The following DAO variants were observed in gnomAD, a reference collection of about 807,000 sequenced individuals.
DAO encodes D-amino-acid oxidase.
Under a neutral mutation model 50.1 loss-of-function variants are expected in DAO, and 51 were observed. The ratio of observed to expected loss-of-function variants is 1.02; its 90% CI spans 0.81 to 1.29. The LOEUF (loss-of-function observed/expected upper bound fraction) is 1.29. Ranked by LOEUF, DAO falls within the 50% of genes most tolerant of loss-of-function variation. The pLI is 0.00. For missense variants in DAO, 436 were observed against 439.4 expected (o/e 0.99, Z 0.07); for synonymous variants, 160 against 166.2 (o/e 0.96, Z 0.29).
intron 10 of DAO, chr12:108,899,682 A>C (rs2039601189): frequency 1.6e-6 from 1 of 613,580 alleles, no homozygotes; most frequent in Non-Finnish European, 3.0e-6. Flanking sequence ...ATAGAGGGGC[A>C]GTGGTGATGT....
rs1210575327 is a variant in DAO, at chr12:108,898,539, G to T, written c.696-140G>T. 16 of 759,732 alleles carry T rather than the reference G, an allele frequency of 2.1e-5. No homozygotes were observed. The East Asian group carries it at 3.9e-4, about 19-fold the overall frequency. 47.1% of individuals were successfully genotyped at this position (759,732 alleles called of 1,614,324 possible). On this transcript the variant is annotated intron_variant, in intron 8 of 10. Transcript: ENST00000228476. ...GTGGTGATGGAAGAGTTCGTTGTTG[G>T]TGTTGATGGTGATGACAGTGGCAAT...
rs746440371 is a variant in DAO at position 108,885,161 on chromosome 12, G to T, written c.155G>T (p.Trp52Leu). 1 of 1,613,366 alleles carries T rather than the reference G, an allele frequency of 6.2e-7. No individual in the cohort carries two copies. Among genetic ancestry groups the T allele is most frequent in the Non-Finnish European group, 8.5e-7 (1 of 1,179,602 alleles). ...ACCACCGACGTGGCTGCCGGCCTCT[G>T]GCAGCCCTACCTTTCTGACCCCAAC... Reference protein sequence around the residue: ...LTTTDVAAGLWQPYLSDPNNP... With the variant: ...LTTTDVAAGLLQPYLSDPNNP... Residue 52 changes from tryptophan to leucine, a missense_variant, in exon 2 of 11, where the codon TGG becomes TTG. Transcript: ENST00000228476.
chr12:108,893,921 G>T lies in DAO; in HGVS notation c.508-342G>T, dbSNP rs117604692. 7.2e-4 allele frequency among the ~76,000 whole-genome samples: 110 copies of T among 152,244 alleles called. No homozygotes were observed. The East Asian group carries it at 0.021, about 29-fold the overall frequency. On this transcript the variant is annotated intron_variant, in intron 6 of 10. Transcript: ENST00000228476. ...CTTCCTTTCTGACTTCTTTTGGGAG[G>T]TTCCAGGAAGATTTCCCCCATCCAA...
At chr12:108,881,172 A>G (rs2039373613) in intron 1 of DAO, among the ~76,000 whole-genome samples, 1 of 151,136 alleles carries the variant, frequency 6.6e-6, no homozygotes, top group Non-Finnish European at 1.5e-5. Context: ...TCACACACAC[A>G]CACACACACA....
rs2137355373 is a variant in DAO, at chr12:108,892,988, T to C, written c.459T>C (p.Thr153=). The change falls in exon 6 of 11, where the codon ACT becomes ACC. Residue 153 remains threonine, a synonymous_variant. Transcript: ENST00000228476. ...ATGTGTTTGATCATCCCAGGTTAAC[T>C]GAGAGGGGAGTGAAGTTCTTCCAGC... ...NYLQWLTERL[T]ERGVKFFQRK... is the part of the protein sequence containing the mutation. 3 of 1,614,044 alleles carry C rather than the reference T, an allele frequency of 1.9e-6. No individual in the cohort carries two copies. The highest frequency in any genetic ancestry group is 2.2e-5 in the East Asian group (1 of 44,876).
At position 108,898,685 on chromosome 12, in the gene DAO, G is replaced by A. The variant is rs2039588520; in HGVS notation, c.702G>A (p.Gln234=). The change falls in exon 9 of 11, where the codon CAG becomes CAA. Residue 234 remains glutamine (Q), a synonymous_variant. Coordinates refer to ENST00000228476, the MANE Select transcript of DAO (RefSeq NM_001917.5). ...YNSPYIIPGT[Q]TVTLGGIFQL... Reference sequence around the variant, plus strand: ...CCTCCTCATTTGTATCTAGGACCCAGACAGTTACTCTTGGAGGCATCTTCC... The same window carrying A: ...CCTCCTCATTTGTATCTAGGACCCAAACAGTTACTCTTGGAGGCATCTTCC... 5.6e-6 allele frequency: 9 copies of A among 1,608,944 alleles called. No individual in the cohort carries two copies. The highest frequency in any genetic ancestry group is 1.3e-5 in the African/African-American group (1 of 74,922).
intron 7 of DAO, among the ~76,000 whole-genome samples, chr12:108,894,921 G>C (rs2039531027): frequency 6.6e-6 from 1 of 152,074 alleles, no homozygotes; most frequent in Non-Finnish European, 1.5e-5. Flanking sequence ...TCACCATATT[G>C]CTCAGGCTGG....
intron 8 of DAO, chr12:108,898,435 G>A (rs112713337): frequency 5.0e-4 from 251 of 505,188 alleles, no homozygotes; most frequent in African/African-American, 4.5e-3. Context: ...GTGAAATGAT[G>A]AATGCAGTTG....
rs569238036 is a variant in DAO at position 108,896,615 on chromosome 12, C to T, written c.613-391C>T. 1.5e-3 allele frequency among the ~76,000 whole-genome samples: 221 copies of T among 152,038 alleles called. 1 individual carries two copies. The highest frequency in any genetic ancestry group is 5.2e-3 in the African/African-American group (214 of 41,434). ...AGGGAGGGGATATAATGAGACGTGT[C>T]GGACCTCCCTTCCCCCCGCAGCTGT... On this transcript the variant is annotated intron_variant, in intron 7 of 10. Transcript: ENST00000228476.
intron 6 of DAO, among the ~76,000 whole-genome samples, chr12:108,893,437 A>G (rs960790051): frequency 1.3e-5 from 2 of 152,156 alleles, no homozygotes; most frequent in African/African-American, 4.8e-5. Flanking sequence ...CACCACCACC[A>G]ATAATAATGA....
intron 2 of DAO, among the ~76,000 whole-genome samples, chr12:108,886,739 T>TGC (rs2039439709): frequency 1.3e-5 from 2 of 152,224 alleles, no homozygotes; most frequent in African/African-American, 2.4e-5. Context: ...GAGCTGGGAT[T>TGC]ATAGGCATGA....
chr12:108,890,528 A>C (rs113411529), intron 5 of DAO, among the ~76,000 whole-genome samples: 132 of 152,306 alleles, frequency 8.7e-4, no homozygotes, highest in African/African-American at 3.1e-3. Context: ...TCAAATCCCT[A>C]ATGTTTGTGT....
At chr12:108,896,896 T>C in intron 7 of DAO, 110 bp from the exon 8 acceptor site, 1 of 824,168 alleles carries the variant, frequency 1.2e-6, no homozygotes, top group Non-Finnish European at 2.1e-6. Flanking sequence ...AGAGGTCTTA[T>C]AAGGAATCAG....
intron 3 of DAO, 144 bp downstream of exon 3, chr12:108,887,708 G>A (rs993285450): frequency 1.4e-6 from 1 of 704,402 alleles, no homozygotes; most frequent in Non-Finnish European, 2.6e-6. Flanking sequence ...AACAGGTTTG[G>A]TTTAAATTCT....
In DAO at chr12:108,885,107, T is replaced by A. The variant is rs1350437671; in HGVS notation, c.101T>A (p.Val34Asp). The A allele has an allele frequency of 3.7e-6, 6 of 1,613,794 alleles. No homozygotes were observed. The Admixed American group carries it at 1.0e-4, about 27-fold the overall frequency. Residue 34 changes from valine to aspartate, a missense_variant, in exon 2 of 11, where the codon GTC becomes GAC. Coordinates refer to ENST00000228476, the MANE Select transcript of DAO (RefSeq NM_001917.5). ...HSVLQPLDIK[V>D]YADRFTPLTT... ...GTCCTGCAGCCACTGGACATAAAGG[T>A]CTACGCGGACCGCTTCACCCCACTC...
intron 1 of DAO, 135 bp downstream of exon 1, chr12:108,880,359 C>T (rs936315846): frequency 6.0e-6 from 2 of 336,114 alleles, no homozygotes; most frequent in Non-Finnish European, 5.9e-6. Flanking sequence ...AGGAGAGATC[C>T]AGCCTCTCAA....
At chr12:108,894,151 C>T (rs1438609174) in intron 6 of DAO, 112 bp from the exon 7 acceptor site, 1 of 824,536 alleles carries the variant, frequency 1.2e-6, no homozygotes, top group Non-Finnish European at 2.0e-6. Context: ...CCTCTCCCCA[C>T]TGTTCATCAG....
At chr12:108,900,334 C>A (rs1363235239) in intron 10 of DAO, 70 bp from the exon 11 acceptor site, 10 of 1,573,926 alleles carry the variant, frequency 6.4e-6, no homozygotes, top group Non-Finnish European at 3.5e-6. Context: ...TCTTCCAGGG[C>A]AGAAGAGCTT....
chr12:108,900,302 G>T, intron 10 of DAO, 102 bp from the exon 11 acceptor site: 1 of 1,477,246 alleles, frequency 6.8e-7, no homozygotes. Flanking sequence ...CTTTGCCCAG[G>T]ACTCTTCGGG....
Sources: gnomAD v4.1 joint callset for allele counts (sites outside exome capture counted in the v4.1 genomes callset) on GRCh38, gnomAD v4.1.1 for gene constraint, MANE v1.5 for transcripts, NCBI Gene and HGNC (gene_info 2026-07-23, HGNC 2026-07-21) for gene names.